Variants in WFS1 observed in about 807,000 individuals in gnomAD.
The protein encoded by WFS1 is wolframin ER transmembrane glycoprotein.
In WFS1, 90 loss-of-function variants were observed where a neutral mutation model predicts 68.5. The observed-to-expected ratio is 1.31, with a 90% CI of 1.11 to 1.56. The LOEUF (loss-of-function observed/expected upper bound fraction) is 1.56, where lower values mean the gene tolerates loss of function less well. WFS1 is among the 40% of genes most tolerant of loss of function. The pLI, the probability that WFS1 is intolerant of heterozygous loss-of-function variation, is 0.00. For missense variants in WFS1, 1,767 were observed against 1,232.6 expected, an observed-to-expected ratio of 1.43 and a Z score of -6.49; for synonymous variants, 860 against 540.7, an observed-to-expected ratio of 1.59 and a Z score of -8.19.
In WFS1 at chr4:6,301,874, G is replaced by A. The variant is rs758020080; in HGVS notation, c.2079G>A (p.Leu693=). The A allele has an allele frequency of 6.2e-7, 1 of 1,612,962 alleles. No individual in the cohort carries two copies. The highest frequency in any genetic ancestry group is 8.5e-7 in the Non-Finnish European group (1 of 1,179,828). ...MARTQILCSH[L]EGHRVTWTGR... is the part of the protein sequence containing the mutation. ...GCACCCAGATCCTCTGCAGCCACCT[G>A]GAGGGCCACAGGGTCACGTGGACCG... The change falls in exon 8 of 8, where the codon CTG becomes CTA. Residue 693 remains leucine, a synonymous_variant. Transcript: ENST00000226760.
At position 6,280,037 on chromosome 4, in the gene WFS1, G is replaced by A. The variant is rs761015880; in HGVS notation, c.232+2350G>A. Among the ~76,000 whole-genome samples, 10 of 151,738 alleles carry A rather than the reference G, an allele frequency of 6.6e-5. 1 individual carries two copies. The Middle Eastern group carries it at 0.02, about 310-fold the overall frequency. Reference sequence around the variant, plus strand: ...CCTGGGGAACCACTGCCAACGGGTCGGGGCTTGGAAGCTCAGGGGCTCCTG... The same window carrying A: ...CCTGGGGAACCACTGCCAACGGGTCAGGGCTTGGAAGCTCAGGGGCTCCTG... On this transcript the variant is annotated intron_variant, in intron 2 of 7. Transcript: ENST00000226760.
intron 4 of WFS1, 123 bp downstream of exon 4, chr4:6,289,254 T>C: frequency 7.3e-7 from 1 of 1,362,554 alleles, no homozygotes; most frequent in Admixed American, 2.3e-5. Flanking sequence ...GAAATTTCAG[T>C]TTCTGTTTTG....
intron 7 of WFS1, among the ~76,000 whole-genome samples, 150 bp from the exon 8 acceptor site, chr4:6,300,481 GGGGAGGGCCACCTGGAGAAGGGGGGA>G (rs1318126211): frequency 6.6e-6 from 1 of 152,068 alleles, no homozygotes; most frequent in South Asian, 2.1e-4. Context: ...CCGCGAGCAT[GGGGAGGGCCACCTGGAGAAGGGGGGA>G]GGGAGGACCA....
chr4:6,280,558 G>A (rs1730131525), intron 2 of WFS1, among the ~76,000 whole-genome samples: 2 of 152,206 alleles, frequency 1.3e-5, no homozygotes, highest in Non-Finnish European at 2.9e-5. Context: ...GGCCTGTTCT[G>A]TTTAGCCCTG....
chr4:6,301,388 T>G lies in WFS1; in HGVS notation c.1593T>G (p.Leu531=), dbSNP rs1213177562. 2.5e-6 allele frequency: 4 copies of G among 1,612,488 alleles called. No individual in the cohort carries two copies. In the African/African-American group the frequency reaches 4.0e-5, roughly 16 times the overall value. Reference sequence around the variant, plus strand: ...ATTTCAAGGGCACCTACTGCTACCTTGTGCCCTACCTGGTGTGCTTCATGT... The same window carrying G: ...ATTTCAAGGGCACCTACTGCTACCTGGTGCCCTACCTGGTGTGCTTCATGT... ...LRNFKGTYCY[L]VPYLVCFMWC... Residue 531 remains leucine (L), a synonymous_variant, in exon 8 of 8, where the codon CTT becomes CTG. Transcript: ENST00000226760.
At chr4:6,282,309 G>A (rs1730193189) in intron 2 of WFS1, among the ~76,000 whole-genome samples, 1 of 152,232 alleles carries the variant, frequency 6.6e-6, no homozygotes. Flanking sequence ...TGCGCCGGTG[G>A]TGCAAGGCCA....
At chr4:6,270,197 C>A (rs1159730635) in intron 1 of WFS1, among the ~76,000 whole-genome samples, 183 bp downstream of exon 1, 5 of 152,016 alleles carry the variant, frequency 3.3e-5, no homozygotes, top group Admixed American at 2.6e-4. Flanking sequence ...GCCCGCTCTG[C>A]AACGCGCAAG....
At position 6,301,820 on chromosome 4, in the gene WFS1, A is replaced by C; in HGVS notation, c.2025A>C (p.Pro675=). ...TWQQYGALCG[P]RAWKETNMAR... is the part of the protein sequence containing the mutation. ...AGCAGTATGGTGCGCTGTGCGGGCC[A>C]CGCGCCTGGAAGGAGACCAACATGG... The change falls in exon 8 of 8, where the codon CCA becomes CCC. Residue 675 remains proline (P), a synonymous_variant. Coordinates refer to ENST00000226760, the MANE Select transcript of WFS1 (RefSeq NM_006005.3). 6.2e-7 allele frequency: 1 copy of C among 1,613,180 alleles called. No individual in the cohort carries two copies. Among genetic ancestry groups the C allele is most frequent in the Non-Finnish European group, 8.5e-7 (1 of 1,180,010 alleles).
intron 3 of WFS1, chr4:6,288,706 C>G (rs531774597): frequency 2.1e-5 from 10 of 478,190 alleles, no homozygotes; most frequent in South Asian, 2.0e-4. Context: ...CAGGCAGGAG[C>G]AACTCAAGGA....
rs1730224615 is a variant in WFS1, at chr4:6,283,599, G to T, written c.233-3494G>T. On this transcript the variant is annotated intron_variant, in intron 2 of 7. Coordinates refer to ENST00000226760, the MANE Select transcript of WFS1 (RefSeq NM_006005.3). This position sits in a 1 kb window ranked among gnomAD's most constrained non-coding sequence, Gnocchi z 5.0. ...CCACAGTTCAAGCTGGCATCCACGT[G>T]CCAAGATGAGCAGAAGGTGAAAGCC... 6.6e-6 allele frequency among the ~76,000 whole-genome samples: 1 copy of T among 152,230 alleles called. No individual in the cohort carries two copies. The highest frequency in any genetic ancestry group is 1.5e-5 in the Non-Finnish European group (1 of 68,044).
intron 1 of WFS1, among the ~76,000 whole-genome samples, chr4:6,277,113 G>T (rs1044751262): frequency 3.9e-5 from 6 of 152,256 alleles, no homozygotes; most frequent in African/African-American, 1.4e-4. Flanking sequence ...GGTGGGCTCT[G>T]GGTGTTGCTA....
intron 2 of WFS1, among the ~76,000 whole-genome samples, chr4:6,280,676 T>C (rs1730135379): frequency 6.6e-6 from 1 of 152,184 alleles, no homozygotes; most frequent in South Asian, 2.1e-4. Flanking sequence ...ATGCTGTGGC[T>C]ATCATGTGCT....
At chr4:6,271,641 C>T (rs1294321697) in intron 1 of WFS1, among the ~76,000 whole-genome samples, 2 of 152,204 alleles carry the variant, frequency 1.3e-5, no homozygotes, top group Non-Finnish European at 2.9e-5. Context: ...CCCCTGTGCC[C>T]TTCATTCCTC....
chr4:6,294,304 G>C (rs1730562585), intron 6 of WFS1, among the ~76,000 whole-genome samples: 1 of 152,066 alleles, frequency 6.6e-6, no homozygotes, highest in African/African-American at 2.4e-5. Context: ...AGGGGTCAGT[G>C]GGCACGTAGC....
Position 6,302,417 on chromosome 4 carries a change from C to A in WFS1, c.2622C>A (p.Ala874=), listed in dbSNP as rs141052196. 1.2e-6 allele frequency: 2 copies of A among 1,613,066 alleles called. No individual in the cohort carries two copies. Among genetic ancestry groups the A allele is most frequent in the Non-Finnish European group, 1.7e-6 (2 of 1,180,052 alleles). ...ACTGGCGCAGCACCGTGCATGGCGC[C>A]GTGAAGTTCGCCTTCGACTTCTTTT... The part of the protein sequence containing the change: ...EHDWRSTVHG[A]VKFAFDFFFF... The change falls in exon 8 of 8, where the codon GCC becomes GCA. Residue 874 remains alanine, a synonymous_variant. Coordinates refer to ENST00000226760, the MANE Select transcript of WFS1 (RefSeq NM_006005.3).
In WFS1 at chr4:6,303,152, G is replaced by C. The variant is rs778776953; in HGVS notation, c.*684G>C. 6.5e-6 allele frequency: 1 copy of C among 153,416 alleles called. No individual in the cohort carries two copies. The highest frequency in any genetic ancestry group is 1.5e-5 in the Non-Finnish European group (1 of 68,912). The allele number at this position is 153,416 out of a possible 1,614,324, so 9.5% of individuals were successfully genotyped here. ...GGGAAACAGAGAACCCTGTGGGGGC[G>C]GCTGTGGGGGAGGTCCCTGCCAGTG... On this transcript the variant is annotated 3_prime_UTR_variant, in exon 8 of 8. Coordinates refer to ENST00000226760, the MANE Select transcript of WFS1 (RefSeq NM_006005.3).
intron 7 of WFS1, 135 bp downstream of exon 7, chr4:6,295,324 G>A: frequency 9.7e-7 from 1 of 1,034,230 alleles, no homozygotes; most frequent in Non-Finnish European, 1.4e-6. Flanking sequence ...CGTGCCGCTG[G>A]TACCTTTGGG....
chr4:6,280,508 C>T (rs889212605), intron 2 of WFS1, among the ~76,000 whole-genome samples: 2 of 152,224 alleles, frequency 1.3e-5, no homozygotes, highest in East Asian at 1.9e-4. Flanking sequence ...CACCGTGACA[C>T]GGCTGTGCGA....
chr4:6,277,818 G>A lies in WFS1; in HGVS notation c.232+131G>A. 3 of 1,077,106 alleles carry A rather than the reference G, an allele frequency of 2.8e-6. No homozygotes were observed. In the Admixed American group the frequency reaches 6.1e-5, roughly 22 times the overall value. 66.7% of individuals were successfully genotyped at this position (1,077,106 alleles called of 1,614,324 possible). A position where few individuals can be genotyped will look rare whatever the true frequency, so the allele number is the denominator to read the frequency against. ...TTCAGCATTGTGCAGCTCCCATGCT[G>A]TGCACAGGCGTCCATCCAGTGGGGC... On this transcript the variant is annotated intron_variant, in intron 2 of 7. Coordinates refer to ENST00000226760, the MANE Select transcript of WFS1 (RefSeq NM_006005.3).
Sources: gnomAD v4.1 joint callset for allele counts (sites outside exome capture counted in the v4.1 genomes callset) on GRCh38, gnomAD v4.1.1 for gene constraint, Gnocchi (gnomAD v3.1) non-coding constraint, MANE v1.5 for transcripts, NCBI Gene and HGNC (gene_info 2026-07-23, HGNC 2026-07-21) for gene names.